Variants in UBASH3B observed in about 807,000 individuals in gnomAD.
The protein encoded by UBASH3B is ubiquitin associated and SH3 domain containing B.
In UBASH3B, 37 loss-of-function variants were observed where a neutral mutation model predicts 83.4. The observed-to-expected ratio is 0.44, with a 90% CI of 0.34 to 0.58. The LOEUF is 0.58. UBASH3B is among the 20% of genes least tolerant of loss of function. UBASH3B has a pLI of 0.01. For synonymous variants in UBASH3B, 304 were observed against 318.3 expected (o/e 0.96, Z 0.48); for missense variants, 657 against 827.2 (o/e 0.79, Z 2.52).
At chr11:122,686,340 G>A (rs938500099) in intron 1 of UBASH3B, among the ~76,000 whole-genome samples, 1 of 152,188 alleles carries the variant, frequency 6.6e-6, no homozygotes, top group East Asian at 1.9e-4. Flanking sequence ...TGGTCAACAC[G>A]CATGGTCGAG....
intron 1 of UBASH3B, among the ~76,000 whole-genome samples, chr11:122,746,112 G>A (rs1343499303): frequency 6.6e-6 from 1 of 152,182 alleles, no homozygotes; most frequent in African/African-American, 2.4e-5. Context: ...CCGCCCTTGT[G>A]TCATGAAAGA....
At chr11:122,795,965 A>G (rs1296485729) in intron 7 of UBASH3B, among the ~76,000 whole-genome samples, 191 bp from the exon 8 acceptor site, 2 of 152,224 alleles carry the variant, frequency 1.3e-5, no homozygotes, top group African/African-American at 2.4e-5. Flanking sequence ...CCTATTTTAT[A>G]AAGCACATGC....
intron 1 of UBASH3B, among the ~76,000 whole-genome samples, chr11:122,691,347 ACT>A (rs777096352): frequency 3.3e-5 from 5 of 152,006 alleles, no homozygotes; most frequent in Non-Finnish European, 5.9e-5. Context: ...GGTTAAAGTC[ACT>A]CTTTTCTGGA....
chr11:122,701,847 A>ATGTT (rs373998826), intron 1 of UBASH3B, among the ~76,000 whole-genome samples: 161 of 151,986 alleles, frequency 1.1e-3, no homozygotes, highest in African/African-American at 3.7e-3. Flanking sequence ...TCGTACTGCC[A>ATGTT]TGTTTGTTTG....
chr11:122,741,320 C>T (rs1167640065), intron 1 of UBASH3B, among the ~76,000 whole-genome samples: 1 of 152,076 alleles, frequency 6.6e-6, no homozygotes, highest in Non-Finnish European at 1.5e-5. Flanking sequence ...TGAGATGTAT[C>T]CCCGAAGTGT....
chr11:122,688,895 G>C (rs986208540), intron 1 of UBASH3B, among the ~76,000 whole-genome samples: 21 of 151,780 alleles, frequency 1.4e-4, no homozygotes, highest in Non-Finnish European at 2.2e-4. Context: ...CCGCCTGCCT[G>C]GGCCTCCAAA....
At chr11:122,786,581 CG>C (rs1860957466) in intron 5 of UBASH3B, among the ~76,000 whole-genome samples, 1 of 152,064 alleles carries the variant, frequency 6.6e-6, no homozygotes, top group African/African-American at 2.4e-5. Context: ...CTCTTGAATC[CG>C]GGAGGCAGAG....
intron 1 of UBASH3B, among the ~76,000 whole-genome samples, chr11:122,746,037 C>A (rs1861112773): frequency 1.3e-5 from 2 of 152,158 alleles, no homozygotes; most frequent in African/African-American, 4.8e-5. Context: ...AGATGTTCAA[C>A]ATGTGTGGGA....
At chr11:122,725,142 G>C (rs1860711358) in intron 1 of UBASH3B, among the ~76,000 whole-genome samples, 1 of 138,964 alleles carries the variant, frequency 7.2e-6, no homozygotes, top group Admixed American at 8.2e-5. Flanking sequence ...GCTAATTTTT[G>C]TAATTTTACT....
At chr11:122,685,064 G>T (rs1022706257) in intron 1 of UBASH3B, among the ~76,000 whole-genome samples, 1 of 152,070 alleles carries the variant, frequency 6.6e-6, no homozygotes, top group African/African-American at 2.4e-5. Context: ...CTTGCCCCCC[G>T]GCAAGAGGAA....
chr11:122,737,437 G>A (rs1174176528), intron 1 of UBASH3B, among the ~76,000 whole-genome samples: 1 of 152,138 alleles, frequency 6.6e-6, no homozygotes, highest in African/African-American at 2.4e-5. Flanking sequence ...AGAGGTGAGA[G>A]AAAGAGAGAA....
intron 1 of UBASH3B, among the ~76,000 whole-genome samples, chr11:122,722,014 A>G (rs1219966760): frequency 2.6e-5 from 4 of 152,236 alleles, no homozygotes; most frequent in Non-Finnish European, 5.9e-5. Flanking sequence ...GGTATAATGC[A>G]TTAGTCATCA....
intron 1 of UBASH3B, among the ~76,000 whole-genome samples, chr11:122,693,420 T>A (rs1395303445): frequency 3.3e-5 from 5 of 152,104 alleles, no homozygotes; most frequent in Non-Finnish European, 5.9e-5. Context: ...GGAGAAACCA[T>A]CAAGGGAAGA....
rs541374814 is a variant in UBASH3B, at chr11:122,725,583, G to A, written c.162-50636G>A. On this transcript the variant is annotated intron_variant, in intron 1 of 13. Transcript: ENST00000284273. ...AGCGACATTATACTCCCTCTCCATAGCTCATCTTTAGACAGTGTTGGAGGA... is the reference window on the plus strand; with the variant it reads ...AGCGACATTATACTCCCTCTCCATAACTCATCTTTAGACAGTGTTGGAGGA... Among the ~76,000 whole-genome samples, 194 of 152,166 alleles carry A rather than the reference G, an allele frequency of 1.3e-3. 3 individuals carry two copies. The highest frequency in any genetic ancestry group is 3.8e-3 in the African/African-American group (159 of 41,504).
chr11:122,675,069 C>CT (rs1169418909), intron 1 of UBASH3B, among the ~76,000 whole-genome samples: 1 of 152,148 alleles, frequency 6.6e-6, no homozygotes, highest in African/African-American at 2.4e-5. Context: ...GATGAGGAAA[C>CT]TGAGTTTATT....
At chr11:122,789,631 C>G (rs1861016720) in intron 6 of UBASH3B, among the ~76,000 whole-genome samples, 1 of 152,152 alleles carries the variant, frequency 6.6e-6, no homozygotes, top group Admixed American at 6.5e-5. Flanking sequence ...CTTCTGTCCA[C>G]CTTATCCTGG....
chr11:122,754,716 G>A (rs1020404347), intron 1 of UBASH3B, among the ~76,000 whole-genome samples: 8 of 152,126 alleles, frequency 5.3e-5, no homozygotes, highest in Non-Finnish European at 7.4e-5. Context: ...TAAGGAAACC[G>A]CCCAACTTCC....
At chr11:122,748,959 C>G (rs1861161740) in intron 1 of UBASH3B, among the ~76,000 whole-genome samples, 1 of 152,206 alleles carries the variant, frequency 6.6e-6, no homozygotes, top group African/African-American at 2.4e-5. Flanking sequence ...TGCCAGAACC[C>G]TCAACTTTGG....
intron 1 of UBASH3B, among the ~76,000 whole-genome samples, chr11:122,707,293 T>C (rs1486467376): frequency 6.6e-6 from 1 of 152,188 alleles, no homozygotes; most frequent in African/African-American, 2.4e-5. Context: ...GCTACAACCC[T>C]ACTCTGCAGG....
Sources: allele counts gnomAD v4.1 joint callset (sites outside exome capture counted in the v4.1 genomes callset), GRCh38; gene constraint gnomAD v4.1.1; transcripts MANE v1.5; gene names NCBI Gene and HGNC (gene_info 2026-07-23, HGNC 2026-07-21).